Variants in ABCB1 observed in about 807,000 individuals in gnomAD.
ABCB1 encodes the protein ATP-dependent translocase ABCB1.
ABCB1 carries 69 observed loss-of-function variants against 142.0 expected under a neutral mutation model. The observed-to-expected ratio is 0.49, with a 90% CI of 0.40 to 0.59. The LOEUF (loss-of-function observed/expected upper bound fraction) is 0.59, where lower values mean the gene tolerates loss of function less well. ABCB1 is among the 20% of genes least tolerant of loss of function. The pLI, the probability that ABCB1 is intolerant of heterozygous loss-of-function variation, is 0.00. For synonymous variants in ABCB1, 532 were observed against 539.2 expected, an observed-to-expected ratio of 0.99 and a Z score of 0.18; for missense variants, 1,326 against 1,554.7, an observed-to-expected ratio of 0.85 and a Z score of 2.47.
In ABCB1 at chr7:87,509,266, G is replaced by C. The variant is rs750759738; in HGVS notation, c.3489+9C>G. On this transcript the variant is annotated intron_variant, in intron 26 of 27. Transcript: ENST00000622132. ...TGCTCCCAGGCTGTTTATTTGAAGA[G>C]AGACTTACATTAGGCAGTGACTCGA... 1.2e-6 allele frequency: 2 copies of C among 1,613,990 alleles called. No individual in the cohort carries two copies. The highest frequency in any genetic ancestry group is 2.2e-5 in the East Asian group (1 of 44,872).
intron 1 of ABCB1, among the ~76,000 whole-genome samples, chr7:87,672,966 C>G (rs1825979849): frequency 6.6e-6 from 1 of 152,284 alleles, no homozygotes; most frequent in South Asian, 2.1e-4. Flanking sequence ...GAGAGCCATG[C>G]ACACTGGCTG....
intron 27 of ABCB1, 69 bp downstream of exon 27, chr7:87,505,828 A>G: frequency 6.3e-7 from 1 of 1,580,772 alleles, no homozygotes; most frequent in Non-Finnish European, 8.7e-7. Context: ...TTTGTTCTTT[A>G]CTATGGAGAA....
At chr7:87,644,920 A>G (rs1046458419) in intron 1 of ABCB1, among the ~76,000 whole-genome samples, 1 of 152,016 alleles carries the variant, frequency 6.6e-6, no homozygotes, top group African/African-American at 2.4e-5. Flanking sequence ...TTATGTTACA[A>G]ATCTATGAAC....
chr7:87,685,020 T>G (rs1827319632), intron 1 of ABCB1, among the ~76,000 whole-genome samples: 1 of 152,100 alleles, frequency 6.6e-6, no homozygotes, highest in African/African-American at 2.4e-5. Context: ...AATATCTTTG[T>G]TTAATTAGGC....
At chr7:87,594,614 A>G (rs1465541429) in intron 3 of ABCB1, among the ~76,000 whole-genome samples, 1 of 152,224 alleles carries the variant, frequency 6.6e-6, no homozygotes, top group Non-Finnish European at 1.5e-5. Flanking sequence ...CAAGAAAGTA[A>G]CAATGAAAAC....
At chr7:87,593,722 G>A (rs1006657741) in intron 3 of ABCB1, among the ~76,000 whole-genome samples, 5 of 152,204 alleles carry the variant, frequency 3.3e-5, no homozygotes, top group African/African-American at 9.6e-5. Flanking sequence ...CTTGGGCACT[G>A]AGTCTCTAAT....
chr7:87,664,021 CAT>C (rs950234317), intron 1 of ABCB1, among the ~76,000 whole-genome samples: 9 of 152,128 alleles, frequency 5.9e-5, no homozygotes, highest in African/African-American at 1.7e-4. Context: ...AGGACTTAAA[CAT>C]GTGAATTTTG....
At chr7:87,645,635 T>A (rs1414959837) in intron 1 of ABCB1, among the ~76,000 whole-genome samples, 3 of 152,216 alleles carry the variant, frequency 2.0e-5, no homozygotes, top group Admixed American at 6.5e-5. Context: ...AGATGACTAA[T>A]ATTAATGTCA....
At chr7:87,548,206 GA>G in intron 14 of ABCB1, among the ~76,000 whole-genome samples, 2 of 121,348 alleles carry the variant, frequency 1.6e-5, no homozygotes, top group Non-Finnish European at 3.6e-5. Flanking sequence ...GAAGGGAAGG[GA>G]AAGGAAGGGA....
chr7:87,649,426 A>C (rs1823352272), intron 1 of ABCB1, among the ~76,000 whole-genome samples: 1 of 152,190 alleles, frequency 6.6e-6, no homozygotes, highest in South Asian at 2.1e-4. Flanking sequence ...AATAAGATGA[A>C]GATTGAAAAC....
Position 87,542,388 on chromosome 7 carries a change from A to G in ABCB1, c.2212-924T>C, listed in dbSNP as rs571479854. Among the ~76,000 whole-genome samples, 29 of 152,348 alleles carry G rather than the reference A, an allele frequency of 1.9e-4. No homozygotes were observed. The East Asian group carries it at 5.4e-3, about 28-fold the overall frequency. Reference sequence around the variant, plus strand: ...ATTATCATCACGGTTTTACACAGATAGAAACTGAAGTACAGAGAAGGTAAT... The same window carrying G: ...ATTATCATCACGGTTTTACACAGATGGAAACTGAAGTACAGAGAAGGTAAT... On this transcript the variant is annotated intron_variant, in intron 17 of 27. Transcript: ENST00000622132.
intron 1 of ABCB1, among the ~76,000 whole-genome samples, chr7:87,645,337 G>T (rs1822896504): frequency 6.6e-6 from 1 of 152,014 alleles, no homozygotes; most frequent in Non-Finnish European, 1.5e-5. Flanking sequence ...ACCTGCCTCA[G>T]CCTCCCAAAG....
chr7:87,565,310 A>C (rs1384192325), intron 7 of ABCB1, among the ~76,000 whole-genome samples: 1 of 152,196 alleles, frequency 6.6e-6, no homozygotes, highest in Non-Finnish European at 1.5e-5. Context: ...ACTCCACAAA[A>C]ATTACATACT....
chr7:87,533,812 A>G (rs1244090029), intron 20 of ABCB1, among the ~76,000 whole-genome samples: 2 of 152,162 alleles, frequency 1.3e-5, no homozygotes, highest in South Asian at 4.1e-4. Flanking sequence ...TAACAGCTAC[A>G]TTGGGCTTTC....
intron 22 of ABCB1, among the ~76,000 whole-genome samples, chr7:87,519,798 C>G (rs897633110): frequency 1.3e-5 from 2 of 152,192 alleles, no homozygotes; most frequent in Admixed American, 6.5e-5. Flanking sequence ...TTTGGACACA[C>G]AGTATGGAAG....
chr7:87,621,849 C>G (rs919299742), intron 1 of ABCB1, among the ~76,000 whole-genome samples: 4 of 152,064 alleles, frequency 2.6e-5, no homozygotes, highest in South Asian at 4.2e-4. Flanking sequence ...GGGCACAATT[C>G]TTTATTAAAA....
chr7:87,674,908 C>G (rs868337321), intron 1 of ABCB1, among the ~76,000 whole-genome samples: 7 of 152,116 alleles, frequency 4.6e-5, no homozygotes, highest in Non-Finnish European at 7.4e-5. Context: ...CATGGTAAGC[C>G]TTGGGGGAGG....
intron 26 of ABCB1, 68 bp from the exon 27 acceptor site, chr7:87,506,111 A>C: frequency 6.5e-7 from 1 of 1,533,170 alleles, no homozygotes; most frequent in Non-Finnish European, 9.0e-7. Context: ...TGCTTATAGA[A>C]AGTAGGATAG....
intron 10 of ABCB1, 21 bp from the exon 11 acceptor site, chr7:87,550,599 A>T (rs772165429): frequency 2.5e-6 from 4 of 1,604,232 alleles, no homozygotes; most frequent in Non-Finnish European, 3.4e-6. Context: ...TCAAATTTTA[A>T]GAGATTACTA....
Sources: gnomAD v4.1 joint callset for allele counts (sites outside exome capture counted in the v4.1 genomes callset) on GRCh38, gnomAD v4.1.1 for gene constraint, MANE v1.5 for transcripts, NCBI Gene and HGNC (gene_info 2026-07-23, HGNC 2026-07-21) for gene names.